Variants in PCDH7 observed in about 807,000 individuals in gnomAD.
PCDH7 encodes protocadherin 7.
PCDH7 carries 17 observed loss-of-function variants against 58.9 expected under a neutral mutation model. The observed-to-expected ratio is 0.29, with a 90% CI of 0.20 to 0.43. The LOEUF (loss-of-function observed/expected upper bound fraction) is 0.43, where lower values mean the gene tolerates loss of function less well. Ranked by LOEUF, PCDH7 falls within the 20% of genes least tolerant of loss-of-function variation. PCDH7 has a pLI of 1.00. For synonymous variants in PCDH7, 664 were observed against 616.4 expected (o/e 1.08, Z -1.14); for missense variants, 1,274 against 1,441.0 (o/e 0.88, Z 1.88).
intron 1 of PCDH7, among the ~76,000 whole-genome samples, chr4:30,824,115 CTTTCTT>C (rs1560407802): frequency 1.4e-5 from 2 of 142,070 alleles, no homozygotes; most frequent in African/African-American, 2.6e-5. Context: ...TTCTTTCTTT[CTTTCTT>C]TCTTTCTTTC....
chr4:31,074,153 A>C (rs1296813688), intron 3 of PCDH7, among the ~76,000 whole-genome samples: 1 of 151,770 alleles, frequency 6.6e-6, no homozygotes, highest in African/African-American at 2.4e-5. Flanking sequence ...AACCCCCGTC[A>C]CATTCAACCA....
intron 1 of PCDH7, among the ~76,000 whole-genome samples, chr4:30,848,887 T>C (rs1173064242): frequency 1.3e-5 from 2 of 152,114 alleles, no homozygotes; most frequent in East Asian, 3.9e-4. Flanking sequence ...GCTTTGGAAA[T>C]ACTATTTTCT....
At chr4:30,923,358 A>G (rs1337680729) in intron 2 of PCDH7, among the ~76,000 whole-genome samples, 1 of 152,184 alleles carries the variant, frequency 6.6e-6, no homozygotes, top group Non-Finnish European at 1.5e-5. Flanking sequence ...AGGAACAGAA[A>G]CAAGAAAATT....
intron 3 of PCDH7, among the ~76,000 whole-genome samples, chr4:31,044,076 C>T (rs1446058451): frequency 2.0e-5 from 3 of 152,086 alleles, no homozygotes; most frequent in African/African-American, 7.2e-5. Flanking sequence ...CTCTTAGGGA[C>T]AACTTCTGTT....
At chr4:30,782,253 T>C (rs570212653) in intron 1 of PCDH7, among the ~76,000 whole-genome samples, 3 of 152,278 alleles carry the variant, frequency 2.0e-5, no homozygotes, top group South Asian at 2.1e-4. Context: ...ATATCTACAA[T>C]GATAACTTTG....
Position 30,893,548 on chromosome 4 carries a change from A to G in PCDH7, c.71-26605A>G, listed in dbSNP as rs143022064. 3.2e-3 allele frequency among the ~76,000 whole-genome samples: 491 copies of G among 152,234 alleles called. 2 individuals carry two copies. Among genetic ancestry groups the G allele is most frequent in the Middle Eastern group, 0.014 (4 of 294 alleles). ...GAATATGAAGTCAGAAGTTTAGCAC[A>G]TATTCAAGTTTGCAGGTATATGAGC... is the stretch of plus-strand genomic sequence containing the variant. On this transcript the variant is annotated intron_variant, in intron 1 of 3. Coordinates refer to the PCDH7 transcript ENST00000509759.
intron 1 of PCDH7, among the ~76,000 whole-genome samples, chr4:30,806,184 C>T (rs4368569): frequency 0.64 from 96,677 of 151,980 alleles, 32,960 homozygotes; most frequent in African/African-American, 0.9. Flanking sequence ...AAATCCAGTC[C>T]CCCAAATTGG....
At chr4:30,882,257 A>G (rs571502054) in intron 1 of PCDH7, among the ~76,000 whole-genome samples, 1 of 139,736 alleles carries the variant, frequency 7.2e-6, no homozygotes, top group Non-Finnish European at 1.5e-5. Flanking sequence ...CTTTGTCTTC[A>G]TCTTCATCTT....
chr4:30,836,483 A>G (rs903865834), intron 1 of PCDH7, among the ~76,000 whole-genome samples: 19 of 152,218 alleles, frequency 1.2e-4, no homozygotes, highest in Non-Finnish European at 2.5e-4. Context: ...GTGTAGGAGA[A>G]GGTATTATCA....
intron 3 of PCDH7, among the ~76,000 whole-genome samples, chr4:31,125,412 T>C (rs1718180337): frequency 6.6e-6 from 1 of 152,210 alleles, no homozygotes; most frequent in South Asian, 2.1e-4. Context: ...GCTTTCTTCT[T>C]CCACATATAG....
Position 31,033,966 on chromosome 4 carries a change from C to T in PCDH7, c.*7+83751C>T, listed in dbSNP as rs1441662038. On this transcript the variant is annotated intron_variant, in intron 3 of 3. Coordinates refer to the PCDH7 transcript ENST00000509759. ...AAAATTACCCAGGTGTGGTGATGCG[C>T]CCCTGTAATCCCAGCTATTCAGGAG... is the stretch of plus-strand genomic sequence containing the variant. Among the ~76,000 whole-genome samples the T allele has an allele frequency of 2.0e-5, 3 of 152,090 alleles. No individual in the cohort carries two copies. In the East Asian group the frequency reaches 5.8e-4, roughly 30 times the overall value.
At chr4:30,984,203 T>C (rs777526374) in intron 3 of PCDH7, among the ~76,000 whole-genome samples, 2 of 152,218 alleles carry the variant, frequency 1.3e-5, no homozygotes, top group Non-Finnish European at 2.9e-5. Flanking sequence ...GGGGTTCATA[T>C]GCAAGGGTTA....
At chr4:30,724,110 A>G (rs1714241307) in exon 1 of PCDH7, 2 of 1,614,060 alleles carry the variant, frequency 1.2e-6, no homozygotes, top group African/African-American at 1.3e-5. Context: ...TAATCATCTT[A>G]ATTGTAGTGA....
rs1482077164 is a variant in PCDH7, at chr4:31,142,704, A to G, written c.*239A>G. ...CGCAACAGAAACCTCCTGAACAAAA[A>G]GTTGACCTCATCCTATGAGACCTTC... On this transcript the variant is annotated 3_prime_UTR_variant, in exon 4 of 4. Transcript: ENST00000509759. 4.4e-6 allele frequency: 6 copies of G among 1,367,644 alleles called. No individual in the cohort carries two copies. In the South Asian group the frequency reaches 5.7e-5, roughly 13 times the overall value. 84.7% of individuals were successfully genotyped at this position (1,367,644 alleles called of 1,614,324 possible).
At chr4:30,987,615 C>G (rs1230196699) in intron 3 of PCDH7, 1 of 151,964 alleles carries the variant, frequency 6.6e-6, no homozygotes, top group Non-Finnish European at 1.5e-5. Flanking sequence ...TCCAGAAGTT[C>G]TAGTCCAGCC....
intron 3 of PCDH7, among the ~76,000 whole-genome samples, chr4:31,016,396 CT>C (rs35635325): frequency 3.0e-3 from 388 of 127,942 alleles, no homozygotes; most frequent in Middle Eastern, 8.6e-3. Flanking sequence ...AAAGACAGAT[CT>C]TTTTTTTTTT....
At chr4:30,742,909 C>T (rs1054086777) in intron 1 of PCDH7, among the ~76,000 whole-genome samples, 9 of 152,152 alleles carry the variant, frequency 5.9e-5, no homozygotes, top group African/African-American at 7.2e-5. Context: ...CTGGCTAGGA[C>T]GCAGATACAG....
chr4:30,840,885 T>A (rs1355441169), intron 1 of PCDH7, among the ~76,000 whole-genome samples: 1 of 151,662 alleles, frequency 6.6e-6, no homozygotes, highest in Non-Finnish European at 1.5e-5. Flanking sequence ...TATAATTTCT[T>A]TGGCCCTTTT....
In PCDH7 at chr4:30,730,677, T is replaced by C. The variant is rs146905914; in HGVS notation, c.3175-76T>C. 6.6e-6 allele frequency: 7 copies of C among 1,055,428 alleles called. No individual in the cohort carries two copies. In the East Asian group the frequency reaches 1.7e-4, roughly 26 times the overall value. The allele number at this position is 1,055,428 out of a possible 1,614,324, so 65.4% of individuals were successfully genotyped here. ...GAAATCTCTACTAAAGCTTTCCAAT[T>C]GGGCATAAGACACTGGGGAAAATTT... is the stretch of plus-strand genomic sequence containing the variant. On this transcript the variant is annotated intron_variant, in intron 1 of 1. Transcript: ENST00000361762.
Sources: allele counts gnomAD v4.1 joint callset (sites outside exome capture counted in the v4.1 genomes callset), GRCh38; gene constraint gnomAD v4.1.1; transcripts MANE v1.5; gene names NCBI Gene and HGNC (gene_info 2026-07-23, HGNC 2026-07-21).